Variants in ANK3 observed in about 807,000 individuals in gnomAD.
ANK3 encodes the protein ankyrin 3, also known as ankyrin-3.
A neutral mutation model predicts 370.9 loss-of-function variants in ANK3; 57 were observed. The ratio of observed to expected loss-of-function variants is 0.15; its 90% CI spans 0.12 to 0.19. ANK3 has a LOEUF of 0.19. Among genes scored for constraint, ANK3 ranks in the 10% least tolerant of loss-of-function variants. The pLI, the probability that ANK3 is intolerant of heterozygous loss-of-function variation, is 1.00. For synonymous variants in ANK3, 1,929 were observed against 1,946.3 expected (o/e 0.99, Z 0.23); for missense variants, 4,439 against 5,302.1 (o/e 0.84, Z 5.06).
chr10:60,696,215 C>T (rs559295338), intron 1 of ANK3, among the ~76,000 whole-genome samples: 6 of 150,190 alleles, frequency 4.0e-5, no homozygotes, highest in Non-Finnish European at 8.9e-5. Flanking sequence ...GAAGTTGAAT[C>T]TCTGAATAGA....
intron 1 of ANK3, among the ~76,000 whole-genome samples, chr10:60,661,529 T>C (rs1424898443): frequency 6.6e-6 from 1 of 152,208 alleles, no homozygotes; most frequent in Non-Finnish European, 1.5e-5. Flanking sequence ...TTTTTACCTG[T>C]GTATTCTACA....
At chr10:60,288,179 C>T (rs935645485) in intron 1 of ANK3, among the ~76,000 whole-genome samples, 6 of 152,078 alleles carry the variant, frequency 3.9e-5, no homozygotes, top group African/African-American at 7.2e-5. Flanking sequence ...CACCAACCCT[C>T]CTCACTTTCC....
chr10:60,417,702 G>A (rs1462964350), intron 2 of ANK3, among the ~76,000 whole-genome samples: 3 of 152,176 alleles, frequency 2.0e-5, no homozygotes, highest in Non-Finnish European at 4.4e-5. Context: ...CAGACTGGCA[G>A]GTGGATGATG....
chr10:60,238,407 G>A (rs116271984), intron 7 of ANK3, among the ~76,000 whole-genome samples: 2,750 of 152,182 alleles, frequency 0.018, 90 homozygotes, highest in African/African-American at 0.063. Flanking sequence ...CTTCAAATCC[G>A]TCACCATACA....
At chr10:60,547,965 G>A (rs948526148) in intron 2 of ANK3, among the ~76,000 whole-genome samples, 2 of 151,980 alleles carry the variant, frequency 1.3e-5, no homozygotes, top group Non-Finnish European at 2.9e-5. Context: ...GAAATTATTA[G>A]TTAAAATTAC....
chr10:60,708,144 C>T (rs1045853505), intron 1 of ANK3, among the ~76,000 whole-genome samples: 2 of 152,124 alleles, frequency 1.3e-5, no homozygotes, highest in Non-Finnish European at 2.9e-5. Flanking sequence ...TATCAATTTA[C>T]CTCTAACCTT....
intron 1 of ANK3, among the ~76,000 whole-genome samples, chr10:60,361,323 C>T (rs576694256): frequency 9.9e-5 from 15 of 152,150 alleles, no homozygotes; most frequent in South Asian, 6.2e-4. Flanking sequence ...GTGAACTGCT[C>T]TCGGGAGTTT....
At chr10:60,053,603 C>T in intron 42 of ANK3, 1 of 1,170,272 alleles carries the variant, frequency 8.5e-7, no homozygotes, top group Non-Finnish European at 1.1e-6. Context: ...AACAAGGAAA[C>T]CAAATGGAAT....
intron 43 of ANK3, among the ~76,000 whole-genome samples, chr10:60,035,763 G>A (rs2074826198): frequency 6.6e-6 from 1 of 151,310 alleles, no homozygotes. Flanking sequence ...GCTGAGGCAG[G>A]CAGATTACCT....
intron 8 of ANK3, among the ~76,000 whole-genome samples, chr10:60,220,527 A>G (rs1251141274): frequency 2.6e-5 from 4 of 152,214 alleles, no homozygotes; most frequent in African/African-American, 9.6e-5. Flanking sequence ...ACTGCATGAT[A>G]AAACCTTGGT....
At chr10:60,238,922 T>C (rs2097375056) in intron 7 of ANK3, among the ~76,000 whole-genome samples, 1 of 151,224 alleles carries the variant, frequency 6.6e-6, no homozygotes, top group Non-Finnish European at 1.5e-5. Context: ...GCATGAAAAA[T>C]AGGGAAGTGC....
At chr10:60,667,343 T>C (rs979877031) in intron 1 of ANK3, among the ~76,000 whole-genome samples, 2 of 151,342 alleles carry the variant, frequency 1.3e-5, no homozygotes, top group Non-Finnish European at 2.9e-5. Flanking sequence ...CTCTTAAAAG[T>C]CTAAGGAACC....
At chr10:60,696,185 T>A (rs1037680615) in intron 1 of ANK3, among the ~76,000 whole-genome samples, 4 of 149,742 alleles carry the variant, frequency 2.7e-5, no homozygotes, top group African/African-American at 9.9e-5. Flanking sequence ...ACATACACTC[T>A]CCCAAGACTA....
At chr10:60,052,022 C>T (rs1355403108) in intron 42 of ANK3, among the ~76,000 whole-genome samples, 1 of 151,998 alleles carries the variant, frequency 6.6e-6, no homozygotes, top group African/African-American at 2.4e-5. Context: ...AAATTTTGGT[C>T]AAATTTGACA....
At chr10:60,276,682 T>C (rs1185417154) in intron 4 of ANK3, among the ~76,000 whole-genome samples, 1 of 152,212 alleles carries the variant, frequency 6.6e-6, no homozygotes, top group Admixed American at 6.5e-5. Context: ...TCCCAAACAT[T>C]GCCGAGCCAG....
chr10:60,574,344 A>C (rs1254281705), intron 2 of ANK3, among the ~76,000 whole-genome samples: 2 of 152,116 alleles, frequency 1.3e-5, no homozygotes, highest in African/African-American at 4.8e-5. Flanking sequence ...TATTTGAGCT[A>C]ATTTCTATTT....
chr10:60,173,328 T>A, intron 18 of ANK3, 142 bp from the exon 19 acceptor site: 1 of 620,682 alleles, frequency 1.6e-6, no homozygotes, highest in East Asian at 2.9e-5. Context: ...ATTAAAAAAA[T>A]TGCCCTTGAT....
intron 23 of ANK3, among the ~76,000 whole-genome samples, chr10:60,143,969 AAG>A (rs943883416): frequency 3.3e-5 from 5 of 151,254 alleles, no homozygotes; most frequent in South Asian, 4.2e-4. Flanking sequence ...AAGAGAGTCA[AAG>A]AGAGAGAGAG....
At chr10:60,150,133 G>A (rs1036621679) in intron 23 of ANK3, among the ~76,000 whole-genome samples, 2 of 152,024 alleles carry the variant, frequency 1.3e-5, no homozygotes, top group Admixed American at 6.6e-5. Context: ...ATGTCCATTA[G>A]CATTCTTCTT....
Sources: gnomAD v4.1 joint callset for allele counts (sites outside exome capture counted in the v4.1 genomes callset) on GRCh38, gnomAD v4.1.1 for gene constraint, MANE v1.5 for transcripts, NCBI Gene and HGNC (gene_info 2026-07-23, HGNC 2026-07-21) for gene names.